The following RTEL1 variants were observed in gnomAD, a reference collection of about 807,000 sequenced individuals.
RTEL1 encodes regulator of telomere length.
A neutral mutation model predicts 162.2 loss-of-function variants in RTEL1; 86 were observed. The ratio of observed to expected loss-of-function variants is 0.53; its 90% CI spans 0.45 to 0.63. RTEL1 has a LOEUF of 0.63. Ranked by LOEUF, RTEL1 falls within the 30% of genes least tolerant of loss-of-function variation. The probability of loss-of-function intolerance (pLI) is 0.00; values close to 1 mark genes in which losing one functional copy is unlikely to be tolerated. For synonymous variants in RTEL1, 958 were observed against 717.9 expected (o/e 1.33, Z -5.35); for missense variants, 1,941 against 1,750.2 (o/e 1.11, Z -1.95).
intron 10 of RTEL1, among the ~76,000 whole-genome samples, chr20:63,675,784 G>A (rs2090336816): frequency 6.6e-6 from 1 of 152,200 alleles, no homozygotes; most frequent in African/African-American, 2.4e-5. Context: ...CTCTCTAACG[G>A]GGTGGACGGC....
chr20:63,664,206 G>A lies in RTEL1; in HGVS notation c.538+1317G>A, dbSNP rs547527853. Among the ~76,000 whole-genome samples the A allele has an allele frequency of 4.6e-5, 7 of 152,272 alleles. No homozygotes were observed. The South Asian group carries it at 1.2e-3, about 27-fold the overall frequency. Reference sequence around the variant, plus strand: ...TGCCTGCAGGACGTGACTCTGGGACGGGGGGTTGGGCAGATGTGCTGATGG... The same window carrying A: ...TGCCTGCAGGACGTGACTCTGGGACAGGGGGTTGGGCAGATGTGCTGATGG... On this transcript the variant is annotated intron_variant, in intron 6 of 34. Coordinates refer to ENST00000360203, the MANE Select transcript of RTEL1 (RefSeq NM_001283009.2).
Position 63,679,890 on chromosome 20 carries a change from A to C in RTEL1, c.1079A>C (p.Gln360Pro). Reference protein sequence around the residue: ...ELFAEAQITFQTKGCILDSLD... With the variant: ...ELFAEAQITFPTKGCILDSLD... ...TTTGCTGAAGCCCAGATCACGTTTC[A>C]GACCAAGGGCTGCATCCTGGACTCG... Residue 360 changes from glutamine to proline, a missense_variant, in exon 13 of 35, where the codon CAG becomes CCG. By Grantham distance (76) the Gln-to-Pro change is moderately conservative. Transcript: ENST00000360203. 1 of 1,612,172 alleles carries C rather than the reference A, an allele frequency of 6.2e-7. No individual in the cohort carries two copies. Among genetic ancestry groups the C allele is most frequent in the Non-Finnish European group, 8.5e-7 (1 of 1,179,960 alleles).
At chr20:63,677,165 C>G (rs775195762) in intron 10 of RTEL1, among the ~76,000 whole-genome samples, 1 of 152,210 alleles carries the variant, frequency 6.6e-6, no homozygotes, top group African/African-American at 2.4e-5. Context: ...TCAGCCAAGT[C>G]TCCAAGAAGC....
At position 63,695,470 on chromosome 20, in the gene RTEL1, A is replaced by T; in HGVS notation, c.3642A>T (p.Ala1214=). The change falls in exon 34 of 35, where the codon GCA becomes GCT. Residue 1214 remains alanine (A), a synonymous_variant. Coordinates refer to ENST00000360203, the MANE Select transcript of RTEL1 (RefSeq NM_001283009.2). ...CAGGACCTCCCCACGGGCCTGCAGC[A>T]TCTGAGTGGGGTGAGCCTCATGGGA... is the stretch of plus-strand genomic sequence containing the variant. ...QSSGPPHGPA[A]SEWGEPHGRD... 1 of 1,602,856 alleles carries T rather than the reference A, an allele frequency of 6.2e-7. No homozygotes were observed.
intron 30 of RTEL1, 86 bp from the exon 31 acceptor site, chr20:63,694,286 G>A (rs954065292): frequency 2.6e-6 from 3 of 1,161,156 alleles, no homozygotes; most frequent in South Asian, 2.5e-5. Context: ...GTGAGGCCTG[G>A]CCTCCCTAGC....
At chr20:63,685,969 G>A in intron 16 of RTEL1, 97 bp downstream of exon 16, 1 of 1,151,714 alleles carries the variant, frequency 8.7e-7, no homozygotes, top group South Asian at 1.3e-5. Flanking sequence ...TGGATCTCCT[G>A]CCCCCATGGG....
rs1235219225 is a variant in RTEL1, at chr20:63,691,812, A to C, written c.2627A>C (p.Lys876Thr). ...GCAGAAGAACCGCGAGGAGGGAGGAAGAAGATCCGGCTGGTCAGCCACCCG... is the reference window on the plus strand; with the variant it reads ...GCAGAAGAACCGCGAGGAGGGAGGACGAAGATCCGGCTGGTCAGCCACCCG... ...RPAEEPRGGR[K>T]KIRLVSHPEE... Residue 876 changes from lysine (K) to threonine (T), a missense_variant, in exon 28 of 35, where the codon AAG (lysine) becomes ACG (threonine). Coordinates refer to ENST00000360203, the MANE Select transcript of RTEL1 (RefSeq NM_001283009.2). 1 of 1,611,818 alleles carries C rather than the reference A, an allele frequency of 6.2e-7. No individual in the cohort carries two copies. The highest frequency in any genetic ancestry group is 1.7e-5 in the Admixed American group (1 of 59,982).
rs2145422444 is a variant in RTEL1, at chr20:63,688,335, G to A, written c.1671G>A (p.Leu557=). Residue 557 remains leucine (L), a synonymous_variant, in exon 20 of 35, where the codon CTG becomes CTA. Coordinates refer to ENST00000360203, the MANE Select transcript of RTEL1 (RefSeq NM_001283009.2). The part of the protein sequence containing the change: ...NIARVVPYGL[L]IFFPSYPVME... ...CCCGCGTGGTGCCCTATGGGCTCCT[G>A]ATCTTCTTCCCTTCCTATCCTGTCA... The A allele has an allele frequency of 6.2e-7, 1 of 1,612,620 alleles. No individual in the cohort carries two copies. Among genetic ancestry groups the A allele is most frequent in the Non-Finnish European group, 8.5e-7 (1 of 1,179,974 alleles).
chr20:63,691,990 G>A, intron 28 of RTEL1, 153 bp downstream of exon 28: 1 of 598,118 alleles, frequency 1.7e-6, no homozygotes, highest in Non-Finnish European at 3.0e-6. Context: ...GACGGCCAGG[G>A]GCTCAAGTGT....
rs754318726 is a variant in RTEL1, at chr20:63,695,536, G to T, written c.3708G>T (p.Gly1236=). The T allele has an allele frequency of 4.3e-6, 7 of 1,612,184 alleles. No individual in the cohort carries two copies. Among genetic ancestry groups the T allele is most frequent in the Non-Finnish European group, 5.9e-6 (7 of 1,179,856 alleles). Residue 1236 remains glycine, a synonymous_variant, in exon 34 of 35, where the codon GGG becomes GGT. Transcript: ENST00000360203. The part of the protein sequence containing the change: ...AGQQATGAPG[G]PLSAGCVCQG... ...AGCAGGCCACGGGAGCTCCGGGCGGGCCCCTCTCAGCAGGCTGTGTGTGCC... is the reference window on the plus strand; with the variant it reads ...AGCAGGCCACGGGAGCTCCGGGCGGTCCCCTCTCAGCAGGCTGTGTGTGCC...
At position 63,674,005 on chromosome 20, in the gene RTEL1, C is replaced by T. The variant is rs768009058; in HGVS notation, c.831C>T (p.Asp277=). The T allele has an allele frequency of 6.8e-6, 11 of 1,614,134 alleles. No homozygotes were observed. Among genetic ancestry groups the T allele is most frequent in the East Asian group, 2.2e-5 (1 of 44,886 alleles). Residue 277 remains aspartate (D), a synonymous_variant, in exon 10 of 35, where the codon GAC becomes GAT. Transcript: ENST00000360203. ...CCCATGACCTGGCTTCAGGACTGGACGTCATAGACCAGGTGCTGGAGGAGC... is the reference window on the plus strand; with the variant it reads ...CCCATGACCTGGCTTCAGGACTGGATGTCATAGACCAGGTGCTGGAGGAGC... ...LTPHDLASGL[D]VIDQVLEEQT...
At chr20:63,672,774 C>A (rs972954664) in intron 9 of RTEL1, among the ~76,000 whole-genome samples, 153 bp downstream of exon 9, 4 of 152,228 alleles carry the variant, frequency 2.6e-5, no homozygotes, top group African/African-American at 4.8e-5. Context: ...TCTGCCACCC[C>A]CTCCCGCCCT....
At chr20:63,689,267 T>C (rs1395678341) in intron 22 of RTEL1, 135 bp downstream of exon 22, 7 of 950,328 alleles carry the variant, frequency 7.4e-6, no homozygotes, top group Non-Finnish European at 9.4e-6. Flanking sequence ...CTGCTGGCCC[T>C]GCTGGGAGCG....
intron 22 of RTEL1, 43 bp downstream of exon 22, chr20:63,689,175 C>T (rs763211181): frequency 6.4e-7 from 1 of 1,571,814 alleles, no homozygotes; most frequent in Non-Finnish European, 8.7e-7. Flanking sequence ...GTTGCCTGTT[C>T]CCTGGTGGGT....
At position 63,689,257 on chromosome 20, in the gene RTEL1, C is replaced by T; in HGVS notation, c.1878+125C>T. 2.1e-6 allele frequency: 2 copies of T among 956,446 alleles called. 1 individual carries two copies. Among genetic ancestry groups the T allele is most frequent in the South Asian group, 3.1e-5 (2 of 64,942 alleles). The allele number at this position is 956,446 out of a possible 1,614,324, so 59.2% of individuals were successfully genotyped here. ...CCCTCCTTGGGTCCCACGAGAGCGA[C>T]TGCTGGCCCTGCTGGGAGCGTGTCC... On this transcript the variant is annotated intron_variant, in intron 22 of 34. Transcript: ENST00000360203.
chr20:63,676,531 T>C (rs990205522), intron 10 of RTEL1, among the ~76,000 whole-genome samples: 1 of 152,210 alleles, frequency 6.6e-6, no homozygotes, highest in African/African-American at 2.4e-5. Context: ...GCTTGCAAGA[T>C]GGCAGTGTGC....
intron 12 of RTEL1, among the ~76,000 whole-genome samples, chr20:63,678,729 A>C: frequency 8.9e-6 from 1 of 111,950 alleles, no homozygotes; most frequent in African/African-American, 3.5e-5. Context: ...ACACACACCC[A>C]CGGAACGGCA....
intron 30 of RTEL1, among the ~76,000 whole-genome samples, chr20:63,694,157 T>G (rs2090903418): frequency 6.6e-6 from 1 of 151,940 alleles, no homozygotes; most frequent in South Asian, 2.1e-4. Context: ...AGCTCCTGAG[T>G]GGGGCTTTGG....
Position 63,668,280 on chromosome 20 carries a change from G to A in RTEL1, c.699+727G>A, listed in dbSNP as rs559003988. Among the ~76,000 whole-genome samples, 13 of 152,302 alleles carry A rather than the reference G, an allele frequency of 8.5e-5. No homozygotes were observed. The East Asian group carries it at 2.5e-3, about 29-fold the overall frequency. ...TCAATGGTTTGTGTGTTCACGTGAC[G>A]ATGGCGTGGTGACGTTTCCAGATCC... On this transcript the variant is annotated intron_variant, in intron 8 of 34. Transcript: ENST00000360203. This position sits in a 1 kb window ranked among gnomAD's most constrained non-coding sequence, Gnocchi z 4.3.
Sources: gnomAD v4.1 joint callset for allele counts (sites outside exome capture counted in the v4.1 genomes callset) on GRCh38, gnomAD v4.1.1 for gene constraint, Gnocchi (gnomAD v3.1) non-coding constraint, MANE v1.5 for transcripts, NCBI Gene and HGNC (gene_info 2026-07-23, HGNC 2026-07-21) for gene names.